Variants in ERC1 observed in about 807,000 individuals in gnomAD.
The protein encoded by ERC1 is RAB6 interacting protein 2.
ERC1 carries 56 observed loss-of-function variants against 132.0 expected under a neutral mutation model. That is an observed-to-expected ratio of 0.42 (90% confidence interval 0.34 to 0.53). ERC1 has a LOEUF of 0.53. Among genes scored for constraint, ERC1 ranks in the 20% least tolerant of loss-of-function variants. ERC1 has a pLI of 0.03. For missense variants in ERC1, 1,202 were observed against 1,349.9 expected (o/e 0.89, Z 1.72); for synonymous variants, 478 against 476.1 (o/e 1.00, Z -0.05).
At chr12:1,386,029 C>G (rs2089298576) in intron 16 of ERC1, 1 of 137,986 alleles carries the variant, frequency 7.2e-6, no homozygotes, top group Admixed American at 7.4e-5. Flanking sequence ...TGCAATGCAG[C>G]CCTTTTTTTT....
chr12:1,179,362 A>G (rs1355711953), intron 8 of ERC1, among the ~76,000 whole-genome samples: 1 of 152,136 alleles, frequency 6.6e-6, no homozygotes, highest in East Asian at 1.9e-4. Flanking sequence ...AAAAATCTCT[A>G]AGGGCTTCCA....
intron 2 of ERC1, among the ~76,000 whole-genome samples, chr12:1,039,593 A>G (rs1426127114): frequency 6.6e-6 from 1 of 152,004 alleles, no homozygotes; most frequent in Admixed American, 6.6e-5. Flanking sequence ...ACAGTGAACC[A>G]TGGTATTGAG....
At chr12:1,362,863 A>G (rs938758639) in intron 15 of ERC1, among the ~76,000 whole-genome samples, 2 of 152,194 alleles carry the variant, frequency 1.3e-5, no homozygotes, top group Admixed American at 6.5e-5. Context: ...AAAATGGTCA[A>G]TTTTATGTTA....
At chr12:1,309,807 A>T (rs1373798591) in intron 15 of ERC1, among the ~76,000 whole-genome samples, 1 of 151,846 alleles carries the variant, frequency 6.6e-6, no homozygotes, top group Non-Finnish European at 1.5e-5. Context: ...ACGACTTTAA[A>T]ATGGCCTTCA....
intron 1 of ERC1, among the ~76,000 whole-genome samples, chr12:998,944 C>T (rs1340827919): frequency 1.3e-5 from 2 of 150,952 alleles, no homozygotes; most frequent in African/African-American, 4.9e-5. Flanking sequence ...ACTGCAACCT[C>T]CGCCTCCTGG....
intron 15 of ERC1, among the ~76,000 whole-genome samples, chr12:1,328,406 A>G (rs565588814): frequency 6.6e-6 from 1 of 151,398 alleles, no homozygotes; most frequent in South Asian, 2.1e-4. Context: ...GGCCTCCCAA[A>G]GTGCTGGGAT....
At chr12:1,418,589 CTCTTTCTTTCTT>C (rs71055147) in intron 17 of ERC1, among the ~76,000 whole-genome samples, 13,655 of 106,082 alleles carry the variant, frequency 0.13, 1,104 homozygotes, top group East Asian at 0.24. Context: ...TTCTTTCTTT[CTCTTTCTTTCTT>C]TCTTTCTTTC....
chr12:1,482,626 T>G (rs1460469848), intron 18 of ERC1, among the ~76,000 whole-genome samples: 1 of 152,064 alleles, frequency 6.6e-6, no homozygotes, highest in Non-Finnish European at 1.5e-5. Flanking sequence ...TTTTTGTATT[T>G]TTGATAGACG....
intron 2 of ERC1, among the ~76,000 whole-genome samples, chr12:1,033,470 C>T (rs1408494248): frequency 7.1e-6 from 1 of 140,316 alleles, no homozygotes; most frequent in Admixed American, 7.1e-5. Flanking sequence ...CGCACCCAGC[C>T]TTTTTTTTTT....
At chr12:1,347,953 A>G (rs2084639291) in intron 15 of ERC1, among the ~76,000 whole-genome samples, 1 of 152,188 alleles carries the variant, frequency 6.6e-6, no homozygotes, top group Admixed American at 6.5e-5. Context: ...ACTGCACTCC[A>G]ATCTGGTCAA....
At chr12:1,354,886 C>T (rs1365801885) in intron 15 of ERC1, among the ~76,000 whole-genome samples, 1 of 152,132 alleles carries the variant, frequency 6.6e-6, no homozygotes, top group African/African-American at 2.4e-5. Flanking sequence ...AGGTGATCCG[C>T]CCACCTCAGC....
intron 2 of ERC1, among the ~76,000 whole-genome samples, chr12:1,047,919 T>A (rs1971334671): frequency 6.6e-6 from 1 of 152,098 alleles, no homozygotes. Flanking sequence ...GAGGGTGAAT[T>A]AGGGTGGGTA....
intron 15 of ERC1, among the ~76,000 whole-genome samples, chr12:1,303,470 AC>A (rs2080576511): frequency 6.6e-6 from 1 of 150,898 alleles, no homozygotes; most frequent in Non-Finnish European, 1.5e-5. Flanking sequence ...CCCCGTCTCT[AC>A]TAAAAATACA....
At chr12:1,228,094 T>C (rs1185622340) in intron 12 of ERC1, among the ~76,000 whole-genome samples, 7 of 152,214 alleles carry the variant, frequency 4.6e-5, no homozygotes, top group Non-Finnish European at 1.5e-5. Flanking sequence ...CCAGCTTTGT[T>C]CTTCTTACTC....
At chr12:1,188,199 C>G (rs1955325399) in intron 11 of ERC1, among the ~76,000 whole-genome samples, 1 of 152,186 alleles carries the variant, frequency 6.6e-6, no homozygotes, top group African/African-American at 2.4e-5. Flanking sequence ...TCGTCACCTT[C>G]TTTCTTCGTA....
intron 1 of ERC1, among the ~76,000 whole-genome samples, chr12:996,489 G>A (rs919950490): frequency 1.3e-5 from 2 of 152,000 alleles, no homozygotes; most frequent in African/African-American, 4.8e-5. Context: ...GGCTGAGGCA[G>A]GAGGATTGCT....
chr12:1,462,886 G>A (rs1256378709), intron 18 of ERC1, among the ~76,000 whole-genome samples: 1 of 152,122 alleles, frequency 6.6e-6, no homozygotes, highest in African/African-American at 2.4e-5. Context: ...CTGATAGGCA[G>A]ATTCTGCTAA....
chr12:1,355,461 C>T (rs946945276), intron 15 of ERC1, among the ~76,000 whole-genome samples: 1 of 152,154 alleles, frequency 6.6e-6, no homozygotes, highest in Non-Finnish European at 1.5e-5. Flanking sequence ...CAACCTACAC[C>T]ATAAAAAGCT....
At chr12:1,469,840 A>G (rs2093820749) in intron 18 of ERC1, among the ~76,000 whole-genome samples, 1 of 151,988 alleles carries the variant, frequency 6.6e-6, no homozygotes, top group Non-Finnish European at 1.5e-5. Flanking sequence ...AACTAGTAAC[A>G]TGCAACTCCA....
Sources: allele counts gnomAD v4.1 joint callset (sites outside exome capture counted in the v4.1 genomes callset), GRCh38; gene constraint gnomAD v4.1.1; transcripts MANE v1.5; gene names NCBI Gene and HGNC (gene_info 2026-07-23, HGNC 2026-07-21).